MS4A8: variants seen among roughly 807,000 people sequenced by gnomAD.
MS4A8 encodes the protein membrane-spanning 4-domains subfamily A member 8.
Under a neutral mutation model 23.7 loss-of-function variants are expected in MS4A8, and 27 were observed. The observed-to-expected ratio is 1.14, with a 90% CI of 0.84 to 1.57. The LOEUF (loss-of-function observed/expected upper bound fraction) is 1.57. Among genes scored for constraint, MS4A8 ranks in the 40% most tolerant of loss-of-function variants. The pLI is 0.00. For synonymous variants in MS4A8, 138 were observed against 126.3 expected (o/e 1.09, Z -0.62); for missense variants, 301 against 311.4 (o/e 0.97, Z 0.25).
intron 5 of MS4A8, among the ~76,000 whole-genome samples, chr11:60,711,164 C>G (rs1213339749): frequency 6.6e-6 from 1 of 152,230 alleles, no homozygotes; most frequent in Non-Finnish European, 1.5e-5. Flanking sequence ...GTTTCACTCA[C>G]TGTCATACCT....
In MS4A8 at chr11:60,701,043, T is replaced by C; in HGVS notation, c.183T>C (p.Pro61=). The change falls in exon 2 of 7, where the codon CCT becomes CCC. Residue 61 remains proline (P), a synonymous_variant. Coordinates refer to ENST00000300226, the MANE Select transcript of MS4A8 (RefSeq NM_031457.2). ...PSLVSNVNGQ[P]VQKALKEGKT... ...TGGTGTCGAATGTGAATGGGCAGCCTGTGCAGAAAGCTCTGAAAGAAGGCA... is the reference window on the plus strand; with the variant it reads ...TGGTGTCGAATGTGAATGGGCAGCCCGTGCAGAAAGCTCTGAAAGAAGGCA... 1 of 1,614,166 alleles carries C rather than the reference T, an allele frequency of 6.2e-7. No individual in the cohort carries two copies. Among genetic ancestry groups the C allele is most frequent in the Non-Finnish European group, 8.5e-7 (1 of 1,180,028 alleles).
chr11:60,704,871 C>T (rs1490446100), intron 3 of MS4A8, among the ~76,000 whole-genome samples: 1 of 149,688 alleles, frequency 6.7e-6, no homozygotes, highest in African/African-American at 2.5e-5. Flanking sequence ...CACACATACA[C>T]ACACACACAC....
Position 60,715,028 on chromosome 11 carries a change from G to A in MS4A8, c.542G>A (p.Gly181Glu). ...CATCTGCTCTGCCTACAGAACCCTG[G>A]AATGGCGATTTCTGGCGTGCTGCTG... is the stretch of plus-strand genomic sequence containing the variant. The part of the protein sequence containing the change: ...YYPYAWGVNP[G>E]MAISGVLLVF... Residue 181 changes from glycine to glutamate, a missense_variant, in exon 6 of 7, where the codon GGA becomes GAA. Transcript: ENST00000300226. 6.2e-7 allele frequency: 1 copy of A among 1,613,824 alleles called. No individual in the cohort carries two copies. The highest frequency in any genetic ancestry group is 8.5e-7 in the Non-Finnish European group (1 of 1,179,752).
chr11:60,707,416 C>T (rs534111730), intron 4 of MS4A8, among the ~76,000 whole-genome samples: 1 of 152,190 alleles, frequency 6.6e-6, no homozygotes, highest in African/African-American at 2.4e-5. Flanking sequence ...GACCAGGAGC[C>T]AAGAGTACTT....
intron 4 of MS4A8, 64 bp from the exon 5 acceptor site, chr11:60,708,586 G>C: frequency 6.9e-7 from 1 of 1,448,022 alleles, no homozygotes; most frequent in Non-Finnish European, 9.1e-7. Flanking sequence ...CACTTGTTGG[G>C]TCTCCATTCA....
At chr11:60,700,837 C>A (rs1590950918) in intron 1 of MS4A8, 23 bp from the exon 2 acceptor site, 3 of 1,613,494 alleles carry the variant, frequency 1.9e-6, no homozygotes, top group Non-Finnish European at 2.5e-6. Context: ...AGGGAAAATT[C>A]TCTCGCATTT....
At chr11:60,710,706 A>G (rs2088293577) in intron 5 of MS4A8, among the ~76,000 whole-genome samples, 1 of 152,128 alleles carries the variant, frequency 6.6e-6, no homozygotes, top group South Asian at 2.1e-4. Flanking sequence ...CTCTGCTGGC[A>G]TCTTACTCAG....
At position 60,715,733 on chromosome 11, in the gene MS4A8, A is replaced by G; in HGVS notation, c.*319A>G. Reference sequence around the variant, plus strand: ...TCTGCTGCATGTGAGCTTGTGGGTTAGAGGAACAAATATCTAGACATTCAA... The same window carrying G: ...TCTGCTGCATGTGAGCTTGTGGGTTGGAGGAACAAATATCTAGACATTCAA... On this transcript the variant is annotated 3_prime_UTR_variant, in exon 7 of 7. Transcript: ENST00000300226. The G allele has an allele frequency of 2.9e-6, 1 of 339,988 alleles. No homozygotes were observed. Among genetic ancestry groups the G allele is most frequent in the Non-Finnish European group, 5.5e-6 (1 of 182,910 alleles). The allele number at this position is 339,988 out of a possible 1,614,324, so 21.1% of individuals were successfully genotyped here. A position where few individuals can be genotyped will look rare whatever the true frequency, so the allele number is the denominator to read the frequency against.
Position 60,708,683 on chromosome 11 carries a change from G to A in MS4A8, c.436G>A (p.Ala146Thr). The change falls in exon 5 of 7, where the codon GCA (alanine) becomes ACA (threonine). Residue 146 changes from alanine to threonine, a missense_variant. Coordinates refer to ENST00000300226, the MANE Select transcript of MS4A8 (RefSeq NM_031457.2). ...CAGTTTGGGCTTGAACATCGTCAGTGCAATCTGCTCTGCAGTTGGAGTCAT... is the reference window on the plus strand; with the variant it reads ...CAGTTTGGGCTTGAACATCGTCAGTACAATCTGCTCTGCAGTTGGAGTCAT... ...SGSLGLNIVSAICSAVGVILF... is the reference protein window; with the variant it reads ...SGSLGLNIVSTICSAVGVILF... The A allele has an allele frequency of 1.3e-6, 2 of 1,585,246 alleles. No homozygotes were observed. Among genetic ancestry groups the A allele is most frequent in the Non-Finnish European group, 1.7e-6 (2 of 1,167,190 alleles).
At position 60,713,951 on chromosome 11, in the gene MS4A8, T is replaced by C. The variant is rs1377719648; in HGVS notation, c.535-1070T>C. On this transcript the variant is annotated intron_variant, in intron 5 of 6. Transcript: ENST00000300226. ...TTTTTTTTTTGAGACGGAGTCTCGC[T>C]CTGTCGCCCAGGCCGGACTGCGGAC... 3.1e-4 allele frequency among the ~76,000 whole-genome samples: 41 copies of C among 131,336 alleles called. 1 individual carries two copies. Among genetic ancestry groups the C allele is most frequent in the African/African-American group, 1.3e-3 (41 of 31,048 alleles). The allele number at this position is 131,336 out of a possible 152,430, so 86.2% of individuals were successfully genotyped here.
At chr11:60,704,896 T>A (rs191110601) in intron 3 of MS4A8, among the ~76,000 whole-genome samples, 15 of 144,984 alleles carry the variant, frequency 1.0e-4, no homozygotes, top group Admixed American at 5.4e-4. Context: ...ACACACACAC[T>A]CTCTCTCTCT....
At chr11:60,708,621 C>T (rs2088276914) in intron 4 of MS4A8, 29 bp from the exon 5 acceptor site, 20 of 1,478,082 alleles carry the variant, frequency 1.4e-5, no homozygotes, top group Non-Finnish European at 1.7e-5. Context: ...GCTTTTCTCG[C>T]CCATCCTGAC....
intron 5 of MS4A8, among the ~76,000 whole-genome samples, chr11:60,710,185 T>G (rs1347220689): frequency 6.6e-6 from 1 of 152,232 alleles, no homozygotes; most frequent in African/African-American, 2.4e-5. Context: ...TGTACTCATT[T>G]GTCTATCTCA....
chr11:60,708,251 A>G (rs149214955), intron 4 of MS4A8, among the ~76,000 whole-genome samples: 42 of 152,286 alleles, frequency 2.8e-4, no homozygotes, highest in African/African-American at 9.9e-4. Context: ...TGAAAGATCT[A>G]AAGTCCTCAT....
At chr11:60,711,748 A>T in intron 5 of MS4A8, 1 of 453,422 alleles carries the variant, frequency 2.2e-6, no homozygotes, top group Non-Finnish European at 4.4e-6. Context: ...AGGAAAGACT[A>T]AACCCCAAGC....
chr11:60,715,135 G>C lies in MS4A8; in HGVS notation c.648+1G>C, dbSNP rs1318519156. 1 of 1,610,394 alleles carries C rather than the reference G, an allele frequency of 6.2e-7. No individual in the cohort carries two copies. The highest frequency in any genetic ancestry group is 1.3e-5 in the African/African-American group (1 of 74,972). On this transcript the variant is annotated splice_donor_variant, in intron 6 of 6. Transcript: ENST00000300226. LOFTEE classifies it high-confidence loss of function. ...GTTGGTCTGCTGTCAATCAAGCAAT[G>C]TGAGTCCCAGGGTTCCTCAGTGGGT...
At chr11:60,711,693 A>G in intron 5 of MS4A8, 1 of 401,996 alleles carries the variant, frequency 2.5e-6, no homozygotes, top group Non-Finnish European at 4.9e-6. Context: ...TAAGAAGCAA[A>G]TGCTGGTGGA....
rs914279384 is a variant in MS4A8 at position 60,707,820 on chromosome 11, T to C, written c.402+773T>C. Among the ~76,000 whole-genome samples, 6 of 127,280 alleles carry C rather than the reference T, an allele frequency of 4.7e-5. No individual in the cohort carries two copies. The South Asian group carries it at 7.7e-4, about 16-fold the overall frequency. 83.5% of individuals were successfully genotyped at this position (127,280 alleles called of 152,430 possible). On this transcript the variant is annotated intron_variant, in intron 4 of 6. Coordinates refer to ENST00000300226, the MANE Select transcript of MS4A8 (RefSeq NM_031457.2). ...TTTTTCTTTTTCTTTTTCTTTTTTT[T>C]TTTTTTTTTTTTTTTGTGTGTGTGT... is the stretch of plus-strand genomic sequence containing the variant.
intron 5 of MS4A8, among the ~76,000 whole-genome samples, chr11:60,714,559 G>A (rs1212533448): frequency 6.6e-6 from 1 of 152,144 alleles, no homozygotes; most frequent in East Asian, 1.9e-4. Flanking sequence ...GCTTTGGGAA[G>A]TCTTCATTTT....
Sources: allele counts gnomAD v4.1 joint callset (sites outside exome capture counted in the v4.1 genomes callset), GRCh38; gene constraint gnomAD v4.1.1; transcripts MANE v1.5; gene names NCBI Gene and HGNC (gene_info 2026-07-23, HGNC 2026-07-21).